The following NPAS3 variants were observed in gnomAD, a reference collection of about 807,000 sequenced individuals.
NPAS3 encodes neuronal PAS domain-containing protein 3.
Under a neutral mutation model 73.1 loss-of-function variants are expected in NPAS3, and 14 were observed. The observed-to-expected ratio is 0.19, with a 90% CI of 0.13 to 0.30. The LOEUF is 0.30. NPAS3 is among the 10% of genes least tolerant of loss of function. The pLI is 1.00. For synonymous variants in NPAS3, 620 were observed against 541.5 expected (o/e 1.14, Z -2.01); for missense variants, 1,096 against 1,250.0 (o/e 0.88, Z 1.86).
intron 5 of NPAS3, among the ~76,000 whole-genome samples, chr14:33,630,166 C>T (rs2058339065): frequency 6.6e-6 from 1 of 152,068 alleles, no homozygotes; most frequent in African/African-American, 2.4e-5. Context: ...AGACCATTAC[C>T]AAGTCAATTT....
chr14:33,191,574 C>G (rs1460639583), intron 2 of NPAS3, among the ~76,000 whole-genome samples: 1 of 152,104 alleles, frequency 6.6e-6, no homozygotes, highest in Non-Finnish European at 1.5e-5. Flanking sequence ...AGATGAATAG[C>G]AGAAAACAGC....
intron 3 of NPAS3, among the ~76,000 whole-genome samples, chr14:33,312,663 T>G (rs2043050780): frequency 6.6e-6 from 1 of 152,054 alleles, no homozygotes; most frequent in Non-Finnish European, 1.5e-5. Context: ...GACAGGTATA[T>G]TTTCCTTATG....
intron 7 of NPAS3, among the ~76,000 whole-genome samples, chr14:33,756,296 G>A (rs1031982957): frequency 6.6e-6 from 1 of 152,180 alleles, no homozygotes; most frequent in Non-Finnish European, 1.5e-5. Context: ...GAATGCCCTG[G>A]ACAATTTCTG....
chr14:33,083,178 CAAAAAAAAAAAAAAAAAAA>C (rs57147759), intron 2 of NPAS3, among the ~76,000 whole-genome samples: 14 of 65,018 alleles, frequency 2.2e-4, no homozygotes, highest in Non-Finnish European at 2.7e-4. Flanking sequence ...GAGACTGTCT[CAAAAAAAAAAAAAAAAAAA>C]AAAAAAAAAA....
intron 4 of NPAS3, among the ~76,000 whole-genome samples, chr14:33,404,988 T>C (rs936678690): frequency 4.6e-5 from 7 of 152,152 alleles, no homozygotes; most frequent in African/African-American, 1.7e-4. Context: ...CATCTTTCCT[T>C]AGGGCCTGTT....
intron 4 of NPAS3, among the ~76,000 whole-genome samples, chr14:33,541,096 G>GGGGTGTGTGTGTGT (rs1555409250): frequency 1.4e-5 from 2 of 142,778 alleles, no homozygotes; most frequent in African/African-American, 5.5e-5. Context: ...TATGTTTAGA[G>GGGGTGTGTGTGTGT]GTGTGTGTGT....
chr14:33,615,567 T>C (rs6571606), intron 5 of NPAS3, among the ~76,000 whole-genome samples: 52,349 of 152,118 alleles, frequency 0.34, 11,105 homozygotes, highest in African/African-American at 0.59. Context: ...AGGAGTACCA[T>C]GAACAGAAAT....
intron 4 of NPAS3, among the ~76,000 whole-genome samples, chr14:33,529,964 A>T (rs1017090279): frequency 6.6e-6 from 1 of 152,166 alleles, no homozygotes; most frequent in Admixed American, 6.6e-5. Flanking sequence ...GATTCCAGGG[A>T]TGCGCCAGGC....
At chr14:33,169,171 A>T (rs1289217390) in intron 2 of NPAS3, among the ~76,000 whole-genome samples, 3 of 152,152 alleles carry the variant, frequency 2.0e-5, no homozygotes, top group African/African-American at 7.2e-5. Flanking sequence ...ATACTCTTTT[A>T]TTTGAGGGCC....
chr14:33,414,496 C>T (rs2048066982), intron 4 of NPAS3, among the ~76,000 whole-genome samples: 1 of 152,034 alleles, frequency 6.6e-6, no homozygotes, highest in South Asian at 2.1e-4. Flanking sequence ...TTCTTTAATT[C>T]CTATACCAAG....
At chr14:33,539,724 A>G (rs1024125724) in intron 4 of NPAS3, among the ~76,000 whole-genome samples, 1 of 152,064 alleles carries the variant, frequency 6.6e-6, no homozygotes, top group African/African-American at 2.4e-5. Flanking sequence ...TTGAAAACCA[A>G]TGGCATGTTT....
intron 6 of NPAS3, among the ~76,000 whole-genome samples, chr14:33,683,164 TGAATAATA>T (rs2059988127): frequency 6.6e-6 from 1 of 152,164 alleles, no homozygotes; most frequent in Non-Finnish European, 1.5e-5. Context: ...AATGTTTTGT[TGAATAATA>T]GAAGCACAGG....
intron 4 of NPAS3, among the ~76,000 whole-genome samples, chr14:33,550,185 G>T (rs1354283295): frequency 6.6e-6 from 1 of 151,970 alleles, no homozygotes; most frequent in Non-Finnish European, 1.5e-5. Context: ...GTTATTTGGG[G>T]TTTGTTTTGT....
intron 3 of NPAS3, among the ~76,000 whole-genome samples, chr14:33,295,584 G>C (rs1241635952): frequency 1.3e-5 from 2 of 152,190 alleles, no homozygotes; most frequent in Admixed American, 1.3e-4. Flanking sequence ...AATAAGTGTA[G>C]GCTCACTTGC....
intron 3 of NPAS3, among the ~76,000 whole-genome samples, chr14:33,353,451 G>A (rs1393222627): frequency 6.6e-6 from 1 of 152,112 alleles, no homozygotes; most frequent in Non-Finnish European, 1.5e-5. Flanking sequence ...TATGACATTT[G>A]GAGAACTTTT....
intron 3 of NPAS3, among the ~76,000 whole-genome samples, chr14:33,343,004 G>A (rs1027923303): frequency 5.9e-5 from 9 of 152,160 alleles, no homozygotes; most frequent in African/African-American, 2.2e-4. Context: ...TTTGTTGCAT[G>A]TTTAATTCTT....
chr14:33,348,568 A>G (rs2044862505), intron 3 of NPAS3, among the ~76,000 whole-genome samples: 1 of 152,162 alleles, frequency 6.6e-6, no homozygotes, highest in African/African-American at 2.4e-5. Context: ...ATTGTCCAGG[A>G]CAAGATTGTT....
At chr14:33,092,204 C>T (rs147547957) in intron 2 of NPAS3, among the ~76,000 whole-genome samples, 8 of 152,170 alleles carry the variant, frequency 5.3e-5, no homozygotes, top group Non-Finnish European at 8.8e-5. Context: ...GATGACATGA[C>T]TGTATATTTG....
intron 4 of NPAS3, among the ~76,000 whole-genome samples, chr14:33,537,122 C>A (rs2054291872): frequency 6.6e-6 from 1 of 152,246 alleles, no homozygotes; most frequent in Non-Finnish European, 1.5e-5. Context: ...TGTATATCTT[C>A]CCCCTCCATG....
Sources: gnomAD v4.1 joint callset for allele counts (sites outside exome capture counted in the v4.1 genomes callset) on GRCh38, gnomAD v4.1.1 for gene constraint, MANE v1.5 for transcripts, NCBI Gene and HGNC (gene_info 2026-07-23, HGNC 2026-07-21) for gene names.